The following FSIP2 variants were observed in gnomAD, a reference collection of about 807,000 sequenced individuals.
FSIP2 encodes the protein fibrous sheath interacting protein 2, also known as fibrous sheath-interacting protein 2.
Under a neutral mutation model 510.5 loss-of-function variants are expected in FSIP2, and 367 were observed. The observed-to-expected ratio is 0.72, with a 90% CI of 0.66 to 0.78. The LOEUF (loss-of-function observed/expected upper bound fraction) is 0.78, where lower values mean the gene tolerates loss of function less well. Ranked by LOEUF, FSIP2 falls within the 30% of genes least tolerant of loss-of-function variation. The pLI is 0.00. For missense variants in FSIP2, 7,594 were observed against 7,901.7 expected, an observed-to-expected ratio of 0.96 and a Z score of 1.48; for synonymous variants, 2,601 against 2,732.2, an observed-to-expected ratio of 0.95 and a Z score of 1.50.
intron 14 of FSIP2, among the ~76,000 whole-genome samples, chr2:185,785,010 T>C (rs906444554): frequency 9.2e-5 from 14 of 152,104 alleles, no homozygotes; most frequent in African/African-American, 3.4e-4. Flanking sequence ...CTTTGCACTT[T>C]CGTGCTGTTT....
In FSIP2 at chr2:185,762,372, C is replaced by A. The variant is rs544861126; in HGVS notation, c.1240+355C>A. Among the ~76,000 whole-genome samples the A allele has an allele frequency of 2.1e-3, 322 of 151,370 alleles. 1 individual carries two copies. The highest frequency in any genetic ancestry group is 3.8e-3 in the Non-Finnish European group (256 of 67,442). On this transcript the variant is annotated intron_variant, in intron 11 of 22. Coordinates refer to ENST00000424728, the MANE Select transcript of FSIP2 (RefSeq NM_173651.4). ...TGCCATTAATTTCCAACAAATGATA[C>A]ATTTTGTTTCCCATTTGTCTTTAAA...
intron 19 of FSIP2, among the ~76,000 whole-genome samples, chr2:185,817,258 A>T (rs1029010683): frequency 3.3e-5 from 5 of 152,032 alleles, no homozygotes; most frequent in Admixed American, 1.3e-4. Context: ...CTAGGAACTC[A>T]GATAGGCAAT....
chr2:185,779,680 GT>G (rs1408840012), intron 13 of FSIP2, among the ~76,000 whole-genome samples: 15 of 151,518 alleles, frequency 9.9e-5, no homozygotes, highest in Non-Finnish European at 1.8e-4. Flanking sequence ...TCTTATTATT[GT>G]TTTATACAGA....
At position 185,813,805 on chromosome 2, in the gene FSIP2, C is replaced by A. The variant is rs368940963; in HGVS notation, c.20088C>A (p.Ser6696Arg). 1 of 1,613,410 alleles carries A rather than the reference C, an allele frequency of 6.2e-7. No individual in the cohort carries two copies. Among genetic ancestry groups the A allele is most frequent in the Non-Finnish European group, 8.5e-7 (1 of 1,179,726 alleles). Reference protein sequence around the residue: ...QVKEVKKPIQSKLSPKSTLST... With the variant: ...QVKEVKKPIQRKLSPKSTLST... ...AAGAAGTCAAGAAGCCAATACAAAG[C>A]AAACTTTCTCCTAAGTCAACACTAA... Residue 6696 changes from serine (S) to arginine (R), a missense_variant, in exon 18 of 23, where the codon AGC becomes AGA. Coordinates refer to ENST00000424728, the MANE Select transcript of FSIP2 (RefSeq NM_173651.4).
At chr2:185,777,420 C>G (rs146729037) in intron 13 of FSIP2, among the ~76,000 whole-genome samples, 1 of 136,430 alleles carries the variant, frequency 7.3e-6, no homozygotes, top group Non-Finnish European at 1.6e-5. Context: ...TTGCACTCTT[C>G]CCTTTCCTAA....
chr2:185,806,041 G>C lies in FSIP2; in HGVS notation c.16735G>C (p.Asp5579His), dbSNP rs1228697215. The C allele has an allele frequency of 6.5e-7, 1 of 1,546,700 alleles. No homozygotes were observed. The highest frequency in any genetic ancestry group is 8.8e-7 in the Non-Finnish European group (1 of 1,139,236). The change falls in exon 17 of 23, where the codon GAT becomes CAT. Residue 5579 changes from aspartate to histidine, a missense_variant. Asp to His is a moderately conservative substitution (Grantham distance 81, BLOSUM62 -1). Coordinates refer to ENST00000424728, the MANE Select transcript of FSIP2 (RefSeq NM_173651.4). ...NLIPTDKKGKDDEIYTHFSLI... is the reference protein window; with the variant it reads ...NLIPTDKKGKHDEIYTHFSLI... ...AATTCCAACAGATAAAAAAGGGAAA[G>C]ATGATGAGATATACACACATTTTTC...
At position 185,803,721 on chromosome 2, in the gene FSIP2, A is replaced by G; in HGVS notation, c.14415A>G (p.Ile4805Met). Residue 4805 changes from isoleucine (I) to methionine (M), a missense_variant, in exon 17 of 23, where the codon ATA becomes ATG. Physicochemically the swap from Ile to Met is conservative, Grantham distance 10. Transcript: ENST00000424728. ...TAGTTACTCAGCTTACATCTCAGAT[A>G]AGTCCATTGAACACCAGTGCAGAGC... Reference protein sequence around the residue: ...EKIVTQLTSQISPLNTSAEQS... With the variant: ...EKIVTQLTSQMSPLNTSAEQS... The G allele has an allele frequency of 6.5e-7, 1 of 1,532,978 alleles. No individual in the cohort carries two copies. The highest frequency in any genetic ancestry group is 8.7e-7 in the Non-Finnish European group (1 of 1,144,734). The allele number at this position is 1,532,978 out of a possible 1,614,324, so 95.0% of individuals were successfully genotyped here.
chr2:185,742,200 A>G (rs1318146484), intron 2 of FSIP2, among the ~76,000 whole-genome samples: 1 of 152,206 alleles, frequency 6.6e-6, no homozygotes, highest in Non-Finnish European at 1.5e-5. Context: ...CAGCCTTAAC[A>G]CAACTTCCTA....
rs1693200567 is a variant in FSIP2 at position 185,793,839 on chromosome 2, A to AAAG, written c.6708_6710dup (p.Glu2236dup). 12 of 1,531,910 alleles carry AAAG rather than the reference A, an allele frequency of 7.8e-6. No homozygotes were observed. Among genetic ancestry groups the AAAG allele is most frequent in the Non-Finnish European group, 1.0e-5 (12 of 1,144,876 alleles). 94.9% of individuals were successfully genotyped at this position (1,531,910 alleles called of 1,614,324 possible). On this transcript the variant is annotated inframe_insertion, in exon 16 of 23. Coordinates refer to ENST00000424728, the MANE Select transcript of FSIP2 (RefSeq NM_173651.4). ...TGATAATCAGATAACTGTAGTAGAGAAAGAAGACACTCAGAAATCTGCTAC... is the reference window on the plus strand; with the variant it reads ...TGATAATCAGATAACTGTAGTAGAGAAAGAAGAAGACACTCAGAAATCTGCTAC...
intron 13 of FSIP2, among the ~76,000 whole-genome samples, chr2:185,767,522 T>C (rs924599964): frequency 6.6e-6 from 1 of 152,108 alleles, no homozygotes; most frequent in South Asian, 2.1e-4. Context: ...ATATAACACA[T>C]ATAAATCATG....
At chr2:185,821,890 C>A (rs746756490) in intron 19 of FSIP2, among the ~76,000 whole-genome samples, 1 of 148,772 alleles carries the variant, frequency 6.7e-6, no homozygotes, top group Non-Finnish European at 1.5e-5. Context: ...CACACCACTT[C>A]GCTCCAGCCT....
intron 14 of FSIP2, among the ~76,000 whole-genome samples, chr2:185,784,920 CT>C (rs1318206135): frequency 2.0e-5 from 3 of 152,014 alleles, no homozygotes; most frequent in Non-Finnish European, 4.4e-5. Context: ...TGATGCCATG[CT>C]TTATCTGGTT....
rs1426602959 is a variant in FSIP2 at position 185,813,868 on chromosome 2, ATGT to A, written c.20155_20157del (p.Cys6719del). 1 of 1,613,594 alleles carries A rather than the reference ATGT, an allele frequency of 6.2e-7. No individual in the cohort carries two copies. The highest frequency in any genetic ancestry group is 8.5e-7 in the Non-Finnish European group (1 of 1,179,792). On this transcript the variant is annotated inframe_deletion, in exon 18 of 23. Coordinates refer to ENST00000424728, the MANE Select transcript of FSIP2 (RefSeq NM_173651.4). ...TGAAAAAATTTTTGTCACTAAGTAAATGTTGTCAGACCACAGCCAGTGCAAATA... is the reference window on the plus strand; with the variant it reads ...TGAAAAAATTTTTGTCACTAAGTAAATGTCAGACCACAGCCAGTGCAAATA...
Position 185,791,723 on chromosome 2 carries a change from A to G in FSIP2, c.4587A>G (p.Lys1529=). The G allele has an allele frequency of 6.5e-7, 1 of 1,534,550 alleles. No homozygotes were observed. Among genetic ancestry groups the G allele is most frequent in the Non-Finnish European group, 8.7e-7 (1 of 1,145,642 alleles). The stretch of plus-strand genomic sequence containing the variant: ...CATCATTTGCTTCAATTATTGAGAA[A>G]ATGGCCAAATCCACCAAAATAATCT... ...DNPSFASIIE[K]MAKSTKIISS... Residue 1529 remains lysine, a synonymous_variant, in exon 16 of 23, where the codon AAA becomes AAG. Coordinates refer to ENST00000424728, the MANE Select transcript of FSIP2 (RefSeq NM_173651.4).
At chr2:185,754,441 T>C (rs1692203506) in intron 8 of FSIP2, among the ~76,000 whole-genome samples, 1 of 151,512 alleles carries the variant, frequency 6.6e-6, no homozygotes, top group South Asian at 2.1e-4. Context: ...AACTGATTAT[T>C]TTCCATGCAG....
Position 185,791,568 on chromosome 2 carries a change from T to C in FSIP2, c.4432T>C (p.Ser1478Pro), listed in dbSNP as rs1278354504. 1.9e-5 allele frequency: 29 copies of C among 1,534,142 alleles called. No individual in the cohort carries two copies. Among genetic ancestry groups the C allele is most frequent in the Non-Finnish European group, 2.5e-5 (29 of 1,145,580 alleles). The change falls in exon 16 of 23, where the codon TCT becomes CCT. Residue 1478 changes from serine to proline, a missense_variant. Physicochemically the swap from Ser to Pro is moderately conservative, Grantham distance 74 (BLOSUM62 -1). Coordinates refer to ENST00000424728, the MANE Select transcript of FSIP2 (RefSeq NM_173651.4). ...KNQKMAAALQ[S>P]NIQLISKAIL... is the part of the protein sequence containing the mutation. ...TCAGAAAATGGCTGCTGCATTGCAG[T>C]CTAATATTCAGTTAATTTCTAAAGC...
rs1694100304 is a variant in FSIP2, at chr2:185,831,100, CT to C, written c.20518-712del. ...TGTTGCTTTTTACCTGATATAGACA[CT>C]GCACATTCCTCTTGTGTTACATGTA... On this transcript the variant is annotated intron_variant, in intron 21 of 22. Coordinates refer to ENST00000424728, the MANE Select transcript of FSIP2 (RefSeq NM_173651.4). Among the ~76,000 whole-genome samples the C allele has an allele frequency of 2.6e-5, 4 of 152,034 alleles. No homozygotes were observed. In the South Asian group the frequency reaches 8.3e-4, roughly 31 times the overall value.
At chr2:185,773,953 A>G (rs1379833518) in intron 13 of FSIP2, among the ~76,000 whole-genome samples, 1 of 152,198 alleles carries the variant, frequency 6.6e-6, no homozygotes, top group Non-Finnish European at 1.5e-5. Flanking sequence ...AAATGCTGTT[A>G]TGGGACATAT....
chr2:185,781,146 A>ACTT (rs765486356), intron 13 of FSIP2, among the ~76,000 whole-genome samples: 2 of 151,280 alleles, frequency 1.3e-5, no homozygotes, highest in African/African-American at 4.9e-5. Context: ...CAGTGGTTGG[A>ACTT]CTTATGATTT....
Sources: allele counts gnomAD v4.1 joint callset (sites outside exome capture counted in the v4.1 genomes callset), GRCh38; gene constraint gnomAD v4.1.1; transcripts MANE v1.5; gene names NCBI Gene and HGNC (gene_info 2026-07-23, HGNC 2026-07-21).